The following SORCS2 variants were observed in gnomAD, a reference collection of about 807,000 sequenced individuals.
The protein encoded by SORCS2 is VPS10 domain-containing receptor SorCS2.
Under a neutral mutation model 141.6 loss-of-function variants are expected in SORCS2, and 100 were observed. The ratio of observed to expected loss-of-function variants is 0.71; its 90% confidence interval spans 0.60 to 0.83. The LOEUF is 0.83. SORCS2 is among the 40% of genes least tolerant of loss of function. The probability of loss-of-function intolerance (pLI) is 0.00; values close to 1 mark genes in which losing one functional copy is unlikely to be tolerated. For synonymous variants in SORCS2, 789 were observed against 676.9 expected (o/e 1.17, Z -2.57); for missense variants, 1,646 against 1,560.2 (o/e 1.05, Z -0.93).
chr4:7,445,326 A>C (rs10002553), intron 2 of SORCS2, among the ~76,000 whole-genome samples: 1 of 151,596 alleles, frequency 6.6e-6, no homozygotes, highest in Non-Finnish European at 1.5e-5. Flanking sequence ...GGACATCCAG[A>C]GGGAAAGCCG....
At chr4:7,740,178 C>G (rs143240010) in intron 26 of SORCS2, 22 bp from the exon 27 acceptor site, 9 of 1,599,950 alleles carry the variant, frequency 5.6e-6, no homozygotes, top group Non-Finnish European at 7.7e-6. Context: ...CTCACGGGAC[C>G]TGCGTCTCTT....
rs928065433 is a variant in SORCS2 at position 7,644,490 on chromosome 4, C to T, written c.813+5998C>T. 3.9e-5 allele frequency among the ~76,000 whole-genome samples: 6 copies of T among 152,196 alleles called. 1 individual carries two copies. Among genetic ancestry groups the T allele is most frequent in the Admixed American group, 2.6e-4 (4 of 15,286 alleles). On this transcript the variant is annotated intron_variant, in intron 4 of 26. Transcript: ENST00000507866. ...TCATCTTCCAAAATTGGCACGAGTG[C>T]ATCCACCTGACCTGGAAATCTAGCT...
At chr4:7,278,823 C>T (rs1715681726) in intron 1 of SORCS2, among the ~76,000 whole-genome samples, 1 of 152,154 alleles carries the variant, frequency 6.6e-6, no homozygotes, top group African/African-American at 2.4e-5. Flanking sequence ...AAAGGAGACC[C>T]CTTTAACTGG....
intron 1 of SORCS2, among the ~76,000 whole-genome samples, chr4:7,285,748 G>A (rs552571605): frequency 2.0e-4 from 30 of 152,356 alleles, no homozygotes; most frequent in Admixed American, 4.6e-4. Context: ...GGAGCATGCT[G>A]GGCCAAGGCA....
chr4:7,452,912 C>CTG lies in SORCS2; in HGVS notation c.548+56561_548+56562dup, dbSNP rs1183141429. Among the ~76,000 whole-genome samples the CTG allele has an allele frequency of 4.3e-3, 584 of 136,188 alleles. 6 individuals carry two copies. The highest frequency in any genetic ancestry group is 0.016 in the African/African-American group (550 of 34,574). The allele number at this position is 136,188 out of a possible 152,430, so 89.3% of individuals were successfully genotyped here. On this transcript the variant is annotated intron_variant, in intron 2 of 26. Transcript: ENST00000507866. ...TCAGGCGCTGTGTTGGGGTCAGGTG[C>CTG]TGTGTTGAGGTCAGGAGCTGTGTGT... is the stretch of plus-strand genomic sequence containing the variant.
intron 1 of SORCS2, among the ~76,000 whole-genome samples, chr4:7,378,343 A>G (rs1203150966): frequency 6.6e-6 from 1 of 152,158 alleles, no homozygotes; most frequent in East Asian, 1.9e-4. Flanking sequence ...CACTGCTATG[A>G]AGAAATACCC....
At chr4:7,667,011 G>T in intron 7 of SORCS2, 113 bp from the exon 8 acceptor site, 2 of 947,778 alleles carry the variant, frequency 2.1e-6, no homozygotes, top group Non-Finnish European at 3.4e-6. Context: ...CAGGTAGAAG[G>T]AAAGTAAAAG....
In SORCS2 at chr4:7,733,372, C is replaced by G; in HGVS notation, c.3159C>G (p.Leu1053=). Residue 1053 remains leucine, a synonymous_variant, in exon 24 of 27, where the codon CTC becomes CTG. Coordinates refer to ENST00000507866, the MANE Select transcript of SORCS2 (RefSeq NM_020777.3). The part of the protein sequence containing the change: ...QVLNAQKISF[L]LRGGVRVLVA... The stretch of plus-strand genomic sequence containing the variant: ...TGAACGCACAGAAGATCAGCTTCCT[C>G]CTGCGAGGCGGAGTCCGGGTCCTGG... 6.3e-7 allele frequency: 1 copy of G among 1,588,164 alleles called. No individual in the cohort carries two copies. The highest frequency in any genetic ancestry group is 1.3e-5 in the African/African-American group (1 of 74,646).
intron 1 of SORCS2, among the ~76,000 whole-genome samples, chr4:7,383,360 A>T (rs1353409920): frequency 6.6e-6 from 1 of 152,180 alleles, no homozygotes; most frequent in Non-Finnish European, 1.5e-5. Context: ...AGTTGGATGC[A>T]GACAGTGACT....
At chr4:7,263,363 G>A (rs1714494327) in intron 1 of SORCS2, among the ~76,000 whole-genome samples, 1 of 152,170 alleles carries the variant, frequency 6.6e-6, no homozygotes, top group Non-Finnish European at 1.5e-5. Context: ...AAAAAGCCCA[G>A]CCTGGAGGAG....
intron 23 of SORCS2, among the ~76,000 whole-genome samples, chr4:7,731,477 G>T (rs1254563838): frequency 6.6e-6 from 1 of 152,094 alleles, no homozygotes; most frequent in Non-Finnish European, 1.5e-5. Flanking sequence ...CCTAAAATTT[G>T]TATGGAACTA....
At chr4:7,673,413 G>A (rs915802788) in intron 8 of SORCS2, among the ~76,000 whole-genome samples, 5 of 152,192 alleles carry the variant, frequency 3.3e-5, no homozygotes, top group Non-Finnish European at 5.9e-5. Context: ...CGGTTTCCCC[G>A]TAGGGAAGCA....
At chr4:7,225,379 G>A (rs765985531) in intron 1 of SORCS2, among the ~76,000 whole-genome samples, 3 of 152,192 alleles carry the variant, frequency 2.0e-5, no homozygotes, top group Admixed American at 6.5e-5. Context: ...GACCGGAATC[G>A]TTCTCTGTTG....
chr4:7,603,920 T>A (rs910546215), intron 3 of SORCS2, among the ~76,000 whole-genome samples: 8 of 152,176 alleles, frequency 5.3e-5, no homozygotes, highest in African/African-American at 1.7e-4. Context: ...TACACATCTT[T>A]GGGAGATATT....
chr4:7,268,582 C>A (rs1355420502), intron 1 of SORCS2, among the ~76,000 whole-genome samples: 1 of 152,216 alleles, frequency 6.6e-6, no homozygotes, highest in Non-Finnish European at 1.5e-5. Flanking sequence ...CCATGTGTGT[C>A]CTGCTGGGTA....
rs574050118 is a variant in SORCS2 at position 7,663,908 on chromosome 4, A to G, written c.953-445A>G. On this transcript the variant is annotated intron_variant, in intron 6 of 26. Transcript: ENST00000507866. The surrounding 1 kb of genome is among the most constrained non-coding windows in gnomAD (Gnocchi z 4.8). ...TTAGCAGCTCCCTGACAAAGCATGC[A>G]TTCAGTATTGCTCAACCATAAATAT... 1.3e-5 allele frequency among the ~76,000 whole-genome samples: 2 copies of G among 152,330 alleles called. No individual in the cohort carries two copies. Among genetic ancestry groups the G allele is most frequent in the Non-Finnish European group, 2.9e-5 (2 of 68,024 alleles).
intron 1 of SORCS2, among the ~76,000 whole-genome samples, chr4:7,218,781 G>A (rs1299811547): frequency 6.6e-6 from 1 of 152,230 alleles, no homozygotes; most frequent in Admixed American, 6.5e-5. Flanking sequence ...GTCAGGACTT[G>A]CCTCTATGAT....
At chr4:7,324,281 G>C (rs1226475186) in intron 1 of SORCS2, among the ~76,000 whole-genome samples, 1 of 152,238 alleles carries the variant, frequency 6.6e-6, no homozygotes, top group East Asian at 1.9e-4. Flanking sequence ...TGGTGGTGAG[G>C]CAGGTGGCTG....
chr4:7,475,052 C>G lies in SORCS2; in HGVS notation c.549-56478C>G, dbSNP rs111705931. ...GACTTAGGGCCCACTCTGGCCTCCT[C>G]TTAACTTGGTTCCATCTGCAAAGAC... On this transcript the variant is annotated intron_variant, in intron 2 of 26. Transcript: ENST00000507866. Among the ~76,000 whole-genome samples, 1,342 of 152,324 alleles carry G rather than the reference C, an allele frequency of 8.8e-3. 16 individuals are homozygous for G. The highest frequency in any genetic ancestry group is 0.031 in the African/African-American group (1,285 of 41,570).
Sources: gnomAD v4.1 joint callset for allele counts (sites outside exome capture counted in the v4.1 genomes callset) on GRCh38, gnomAD v4.1.1 for gene constraint, Gnocchi (gnomAD v3.1) non-coding constraint, MANE v1.5 for transcripts, NCBI Gene and HGNC (gene_info 2026-07-23, HGNC 2026-07-21) for gene names.